ACVR2A: variants seen among roughly 807,000 people sequenced by gnomAD.
ACVR2A encodes activin A receptor type 2A.
ACVR2A carries 7 observed loss-of-function variants against 61.4 expected under a neutral mutation model. The ratio of observed to expected loss-of-function variants is 0.11; its 90% CI spans 0.06 to 0.21. The LOEUF is 0.21. Among genes scored for constraint, ACVR2A ranks in the 10% least tolerant of loss-of-function variants. The pLI is 1.00. For missense variants in ACVR2A, 322 were observed against 621.7 expected, an observed-to-expected ratio of 0.52 and a Z score of 5.13; for synonymous variants, 193 against 208.3, an observed-to-expected ratio of 0.93 and a Z score of 0.63.
intron 1 of ACVR2A, among the ~76,000 whole-genome samples, chr2:147,889,258 G>T (rs1417817530): frequency 6.6e-6 from 1 of 152,008 alleles, no homozygotes; most frequent in Non-Finnish European, 1.5e-5. Context: ...GAGAGATACC[G>T]GTCTGTGTTT....
chr2:147,890,175 A>C (rs1686546438), intron 1 of ACVR2A, among the ~76,000 whole-genome samples: 1 of 152,102 alleles, frequency 6.6e-6, no homozygotes, highest in African/African-American at 2.4e-5. Context: ...CAAAAACAAC[A>C]ACAAACCCCA....
At chr2:147,925,912 C>T in intron 9 of ACVR2A, 119 bp from the exon 10 acceptor site, 2 of 1,010,572 alleles carry the variant, frequency 2.0e-6, no homozygotes, top group Non-Finnish European at 1.4e-6. Flanking sequence ...CTCTTCTGTC[C>T]TCATAGCATG....
At chr2:147,879,799 A>T (rs894932591) in intron 1 of ACVR2A, among the ~76,000 whole-genome samples, 3 of 152,166 alleles carry the variant, frequency 2.0e-5, no homozygotes, top group Admixed American at 1.3e-4. Context: ...AACTGATTAG[A>T]TGGGATAAAA....
chr2:147,895,545 A>G (rs979935081), intron 1 of ACVR2A, among the ~76,000 whole-genome samples: 1 of 152,162 alleles, frequency 6.6e-6, no homozygotes, highest in African/African-American at 2.4e-5. Context: ...TGAGAAGAGA[A>G]AAGTCTTGAC....
rs1034461763 is a variant in ACVR2A, at chr2:147,930,151, A to T, written c.*2877A>T. On this transcript the variant is annotated 3_prime_UTR_variant, in exon 11 of 11. Coordinates refer to ENST00000241416, the MANE Select transcript of ACVR2A (RefSeq NM_001616.5). ...CTTGCACTATCTATCTTTCATGGTG[A>T]TGTTTTGAAAATACAATCAGGAAAA... 2.6e-5 allele frequency: 4 copies of T among 152,426 alleles called. No individual in the cohort carries two copies. Among genetic ancestry groups the T allele is most frequent in the Admixed American group, 6.6e-5 (1 of 15,210 alleles). The allele number at this position is 152,426 out of a possible 1,614,324, so 9.4% of individuals were successfully genotyped here. A position where few individuals can be genotyped will look rare whatever the true frequency, so the allele number is the denominator to read the frequency against.
rs1687420816 is a variant in ACVR2A, at chr2:147,922,981, C to T, written c.1086C>T (p.Thr362=). Residue 362 remains threonine, a synonymous_variant, in exon 9 of 11, where the codon ACC becomes ACT. Coordinates refer to ENST00000241416, the MANE Select transcript of ACVR2A (RefSeq NM_001616.5). ...TTTAACATCTTTTTCAGGTTGGTAC[C>T]CGGAGGTACATGGCTCCAGAGGTAT... The part of the protein sequence containing the change: ...SAGDTHGQVG[T]RRYMAPEVLE... 6.2e-7 allele frequency: 1 copy of T among 1,607,788 alleles called. No individual in the cohort carries two copies. Among genetic ancestry groups the T allele is most frequent in the South Asian group, 1.1e-5 (1 of 89,666 alleles).
At chr2:147,890,223 TAGC>T (rs987387024) in intron 1 of ACVR2A, among the ~76,000 whole-genome samples, 2 of 152,134 alleles carry the variant, frequency 1.3e-5, no homozygotes, top group Non-Finnish European at 2.9e-5. Flanking sequence ...ACATTAGAAG[TAGC>T]AGCCCTTCTT....
intron 10 of ACVR2A, among the ~76,000 whole-genome samples, chr2:147,926,619 C>T (rs1411486621): frequency 6.6e-6 from 1 of 151,926 alleles, no homozygotes; most frequent in Non-Finnish European, 1.5e-5. Context: ...AGACCAGGCA[C>T]ATAACAGTAT....
intron 1 of ACVR2A, among the ~76,000 whole-genome samples, chr2:147,868,988 G>T (rs1046188603): frequency 2.6e-5 from 4 of 151,650 alleles, no homozygotes; most frequent in Non-Finnish European, 4.4e-5. Flanking sequence ...TGTTTTTTCA[G>T]TTCTCTTCCT....
At chr2:147,871,515 AT>A (rs1558965165) in intron 1 of ACVR2A, among the ~76,000 whole-genome samples, 1 of 152,130 alleles carries the variant, frequency 6.6e-6, no homozygotes, top group Non-Finnish European at 1.5e-5. Flanking sequence ...TTACGTAGGT[AT>A]GTATAAAATT....
rs117882312 is a variant in ACVR2A at position 147,905,669 on chromosome 2, A to G, written c.528+5771A>G. 2.0e-5 allele frequency among the ~76,000 whole-genome samples: 3 copies of G among 152,156 alleles called. No individual in the cohort carries two copies. The East Asian group carries it at 5.8e-4, about 29-fold the overall frequency. On this transcript the variant is annotated intron_variant, in intron 4 of 10. Transcript: ENST00000241416. The stretch of plus-strand genomic sequence containing the variant: ...GTGATTATTTTTGTATTGGTAACCT[A>G]AATTACAACTTACTTTAAATATATA...
intron 1 of ACVR2A, chr2:147,877,502 C>G (rs1686189282): frequency 6.6e-6 from 1 of 152,072 alleles, no homozygotes; most frequent in Non-Finnish European, 1.5e-5. Flanking sequence ...GGATGCCATA[C>G]AAATTCATGA....
intron 1 of ACVR2A, among the ~76,000 whole-genome samples, chr2:147,848,614 A>G (rs978045371): frequency 1.3e-5 from 2 of 152,192 alleles, no homozygotes; most frequent in African/African-American, 4.8e-5. Context: ...TGATGAGAAA[A>G]CATGAAAACA....
At position 147,923,054 on chromosome 2, in the gene ACVR2A, A is replaced by G; in HGVS notation, c.1159A>G (p.Met387Val). The change falls in exon 9 of 11, where the codon ATG becomes GTG. Residue 387 changes from methionine (M) to valine (V), a missense_variant. Coordinates refer to ENST00000241416, the MANE Select transcript of ACVR2A (RefSeq NM_001616.5). The part of the protein sequence containing the change: ...FQRDAFLRID[M>V]YAMGLVLWEL... ...AAGGGATGCATTTTTGAGGATAGAT[A>G]TGTATGCCATGGGATTAGTCCTATG... 1 of 1,613,504 alleles carries G rather than the reference A, an allele frequency of 6.2e-7. No individual in the cohort carries two copies. Among genetic ancestry groups the G allele is most frequent in the Non-Finnish European group, 8.5e-7 (1 of 1,179,580 alleles).
At chr2:147,905,985 G>T (rs1686980560) in intron 4 of ACVR2A, among the ~76,000 whole-genome samples, 1 of 152,040 alleles carries the variant, frequency 6.6e-6, no homozygotes, top group African/African-American at 2.4e-5. Context: ...TTGAGTTCAG[G>T]TTTTCTTTGG....
chr2:147,866,095 A>C (rs1685847936), intron 1 of ACVR2A, among the ~76,000 whole-genome samples: 1 of 152,186 alleles, frequency 6.6e-6, no homozygotes, highest in Non-Finnish European at 1.5e-5. Flanking sequence ...AGCCAATGTC[A>C]TGGCCAACAA....
intron 1 of ACVR2A, among the ~76,000 whole-genome samples, chr2:147,850,951 C>A (rs1484844367): frequency 3.3e-5 from 5 of 152,066 alleles, no homozygotes; most frequent in African/African-American, 4.8e-5. Context: ...GGATAGTGAT[C>A]AAGAATGTGG....
At position 147,896,513 on chromosome 2, in the gene ACVR2A, G is replaced by C; in HGVS notation, c.263+5G>C. On this transcript the variant is annotated splice_donor_5th_base_variant and intron_variant, in intron 2 of 10. Coordinates refer to ENST00000241416, the MANE Select transcript of ACVR2A (RefSeq NM_001616.5). Reference sequence around the variant, plus strand: ...TGATATCAACTGCTATGACAGGTAAGAACACATTTAAGATTTTATGGTAGT... The same window carrying C: ...TGATATCAACTGCTATGACAGGTAACAACACATTTAAGATTTTATGGTAGT... 6.2e-7 allele frequency: 1 copy of C among 1,613,478 alleles called. No individual in the cohort carries two copies.
chr2:147,899,406 G>A, intron 2 of ACVR2A, 52 bp from the exon 3 acceptor site: 1 of 1,170,928 alleles, frequency 8.5e-7, no homozygotes, highest in Non-Finnish European at 1.2e-6. Flanking sequence ...ACTTGTTGTA[G>A]GGTCAGTATA....
Sources: gnomAD v4.1 joint callset for allele counts (sites outside exome capture counted in the v4.1 genomes callset) on GRCh38, gnomAD v4.1.1 for gene constraint, MANE v1.5 for transcripts, NCBI Gene and HGNC (gene_info 2026-07-23, HGNC 2026-07-21) for gene names.